Variants in GRIN2B observed in about 807,000 individuals in gnomAD.
GRIN2B encodes the protein glutamate receptor ionotropic, NMDA 2B.
Under a neutral mutation model 114.5 loss-of-function variants are expected in GRIN2B, and 5 were observed. That is an observed-to-expected ratio of 0.04 (90% CI 0.02 to 0.09). GRIN2B has a LOEUF of 0.09. Ranked by LOEUF, GRIN2B falls within the 10% of genes least tolerant of loss-of-function variation. The probability of loss-of-function intolerance (pLI) is 1.00; values close to 1 mark genes in which losing one functional copy is unlikely to be tolerated. For missense variants in GRIN2B, 1,108 were observed against 1,943.5 expected, an observed-to-expected ratio of 0.57 and a Z score of 8.08; for synonymous variants, 787 against 745.1, an observed-to-expected ratio of 1.06 and a Z score of -0.92.
At chr12:13,599,573 C>T (rs745353342) in intron 10 of GRIN2B, among the ~76,000 whole-genome samples, 5 of 152,166 alleles carry the variant, frequency 3.3e-5, no homozygotes, top group African/African-American at 4.8e-5. Context: ...ACCCACAACC[C>T]ACAATTTAGT....
At chr12:13,833,374 G>A (rs781556193) in intron 3 of GRIN2B, among the ~76,000 whole-genome samples, 26 of 152,136 alleles carry the variant, frequency 1.7e-4, no homozygotes, top group African/African-American at 3.6e-4. Context: ...AATGGGCCTC[G>A]GAACCTTCTT....
rs988570193 is a variant in GRIN2B, at chr12:13,545,922, T to C, written c.*16861A>G. 1 of 152,240 alleles carries C rather than the reference T, an allele frequency of 6.6e-6. No individual in the cohort carries two copies. The highest frequency in any genetic ancestry group is 6.5e-5 in the Admixed American group (1 of 15,282). The allele number at this position is 152,240 out of a possible 1,614,324, so 9.4% of individuals were successfully genotyped here. On this transcript the variant is annotated 3_prime_UTR_variant, in exon 14 of 14. Transcript: ENST00000609686. ...ATGTCTGAGTCAGTAAATTCCATGTTAATATGTGTAAGACTCAGGATTAAA... is the reference window on the plus strand; with the variant it reads ...ATGTCTGAGTCAGTAAATTCCATGTCAATATGTGTAAGACTCAGGATTAAA...
intron 4 of GRIN2B, among the ~76,000 whole-genome samples, chr12:13,722,832 A>G (rs1862904828): frequency 6.6e-6 from 1 of 152,152 alleles, no homozygotes; most frequent in African/African-American, 2.4e-5. Flanking sequence ...GACAAGCAAG[A>G]AATGAGCAGT....
chr12:13,703,776 C>T (rs1950333332), intron 4 of GRIN2B, among the ~76,000 whole-genome samples: 1 of 152,138 alleles, frequency 6.6e-6, no homozygotes, highest in Non-Finnish European at 1.5e-5. Context: ...GTAAGGTTGA[C>T]CACCATGGGA....
intron 5 of GRIN2B, among the ~76,000 whole-genome samples, chr12:13,671,607 C>T (rs776023658): frequency 6.6e-6 from 1 of 152,138 alleles, no homozygotes; most frequent in Non-Finnish European, 1.5e-5. Context: ...CCCCCCAAGT[C>T]CTTCCCTGGC....
chr12:13,735,901 T>TC (rs1296534552), intron 4 of GRIN2B, among the ~76,000 whole-genome samples: 224 of 151,370 alleles, frequency 1.5e-3, no homozygotes, highest in African/African-American at 5.0e-3. Context: ...GACAGGATTT[T>TC]TTTTTTTGGA....
chr12:13,877,238 C>T (rs1389783234), intron 2 of GRIN2B, among the ~76,000 whole-genome samples: 1 of 152,148 alleles, frequency 6.6e-6, no homozygotes, highest in Non-Finnish European at 1.5e-5. Flanking sequence ...TCAGACTTCA[C>T]CTCAGAGCCA....
At chr12:13,726,471 G>T (rs1413411856) in intron 4 of GRIN2B, among the ~76,000 whole-genome samples, 1 of 150,978 alleles carries the variant, frequency 6.6e-6, no homozygotes, top group African/African-American at 2.4e-5. Context: ...GGAGGTGGAG[G>T]TTACAGTGAG....
At chr12:13,975,965 A>C (rs1270681008) in intron 2 of GRIN2B, among the ~76,000 whole-genome samples, 1 of 152,246 alleles carries the variant, frequency 6.6e-6, no homozygotes, top group East Asian at 1.9e-4. Flanking sequence ...AAGACCAAAA[A>C]TAAGGTGGAG....
At chr12:13,905,136 G>A (rs1168831306) in intron 2 of GRIN2B, among the ~76,000 whole-genome samples, 1 of 152,108 alleles carries the variant, frequency 6.6e-6, no homozygotes, top group Admixed American at 6.6e-5. Context: ...TTTCTCATGA[G>A]GATGTGATCA....
chr12:13,970,973 C>G (rs970911816), intron 2 of GRIN2B, among the ~76,000 whole-genome samples: 1 of 152,152 alleles, frequency 6.6e-6, no homozygotes, highest in Non-Finnish European at 1.5e-5. Flanking sequence ...GGAAGAACCA[C>G]GAATCACAAA....
At chr12:13,835,771 TAAAAAAAAAAAAAAAAA>T (rs1165005583) in intron 3 of GRIN2B, among the ~76,000 whole-genome samples, 2 of 91,492 alleles carry the variant, frequency 2.2e-5, no homozygotes, top group Admixed American at 1.3e-4. Flanking sequence ...CATAGCACAT[TAAAAAAAAAAAAAAAAA>T]AAAAAAAGAA....
chr12:13,581,223 G>T (rs1487682589), intron 10 of GRIN2B, among the ~76,000 whole-genome samples: 1 of 152,140 alleles, frequency 6.6e-6, no homozygotes, highest in East Asian at 1.9e-4. Flanking sequence ...GTTTTTTACA[G>T]CTCTTCTATC....
At chr12:13,899,218 C>A (rs1377386475) in intron 2 of GRIN2B, among the ~76,000 whole-genome samples, 2 of 151,942 alleles carry the variant, frequency 1.3e-5, no homozygotes, top group African/African-American at 4.8e-5. Context: ...TTGTGCAAAG[C>A]CCCCTATTGT....
intron 3 of GRIN2B, among the ~76,000 whole-genome samples, chr12:13,789,475 G>A (rs986146231): frequency 4.6e-5 from 7 of 152,166 alleles, no homozygotes; most frequent in African/African-American, 7.2e-5. Flanking sequence ...AATCACAAGA[G>A]ACCCTAAAAG....
intron 3 of GRIN2B, among the ~76,000 whole-genome samples, chr12:13,852,693 A>G (rs989532855): frequency 6.0e-5 from 5 of 82,892 alleles, no homozygotes; most frequent in South Asian, 3.8e-4. Context: ...AGAGATGAGG[A>G]AAAAAAAAAA....
chr12:13,893,641 A>C (rs1171422707), intron 2 of GRIN2B, among the ~76,000 whole-genome samples: 1 of 152,158 alleles, frequency 6.6e-6, no homozygotes, highest in Non-Finnish European at 1.5e-5. Flanking sequence ...ACTTTTATTT[A>C]ATAGATATGT....
chr12:13,848,918 C>T (rs555756686), intron 3 of GRIN2B, among the ~76,000 whole-genome samples: 3 of 152,198 alleles, frequency 2.0e-5, no homozygotes. Flanking sequence ...TCTGGAAGAA[C>T]TGAAATGACA....
chr12:13,672,956 C>A (rs1440182152), intron 5 of GRIN2B, among the ~76,000 whole-genome samples: 1 of 152,148 alleles, frequency 6.6e-6, no homozygotes, highest in Admixed American at 6.5e-5. Flanking sequence ...GATTCTCATA[C>A]ATGCTACAAA....
Sources: gnomAD v4.1 joint callset for allele counts (sites outside exome capture counted in the v4.1 genomes callset) on GRCh38, gnomAD v4.1.1 for gene constraint, MANE v1.5 for transcripts, NCBI Gene and HGNC (gene_info 2026-07-23, HGNC 2026-07-21) for gene names.